KIF26B: variants seen among roughly 807,000 people sequenced by gnomAD.
The protein encoded by KIF26B is kinesin-like protein KIF26B.
A neutral mutation model predicts 151.2 loss-of-function variants in KIF26B; 63 were observed. The ratio of observed to expected loss-of-function variants is 0.42; its 90% CI spans 0.34 to 0.51. KIF26B has a LOEUF of 0.51. Among genes scored for constraint, KIF26B ranks in the 20% least tolerant of loss-of-function variants. The pLI, the probability that KIF26B is intolerant of heterozygous loss-of-function variation, is 0.07. For synonymous variants in KIF26B, 1,357 were observed against 1,262.1 expected (o/e 1.08, Z -1.59); for missense variants, 2,813 against 2,913.6 (o/e 0.97, Z 0.79).
At chr1:245,347,365 C>T (rs188706698) in intron 2 of KIF26B, among the ~76,000 whole-genome samples, 4 of 151,870 alleles carry the variant, frequency 2.6e-5, no homozygotes, top group Non-Finnish European at 4.4e-5. Context: ...CAGGCTGGAG[C>T]GTAGTGGCGT....
chr1:245,361,254 T>C (rs1452586850), intron 2 of KIF26B, among the ~76,000 whole-genome samples: 1 of 152,148 alleles, frequency 6.6e-6, no homozygotes, highest in Non-Finnish European at 1.5e-5. Context: ...CAAACGGAAG[T>C]CATTCATGGG....
At chr1:245,270,186 T>TCCCTC (rs2102962869) in intron 2 of KIF26B, among the ~76,000 whole-genome samples, 1 of 112,654 alleles carries the variant, frequency 8.9e-6, no homozygotes. Flanking sequence ...TCCCTTCCAT[T>TCCCTC]CCTTCTTCTT....
At chr1:245,267,906 C>G (rs1280058583) in intron 2 of KIF26B, among the ~76,000 whole-genome samples, 1 of 152,082 alleles carries the variant, frequency 6.6e-6, no homozygotes, top group African/African-American at 2.4e-5. Flanking sequence ...TGCTGGTTGT[C>G]TGGGTATTTT....
At chr1:245,451,517 A>T (rs1313221169) in intron 4 of KIF26B, among the ~76,000 whole-genome samples, 1 of 144,378 alleles carries the variant, frequency 6.9e-6, no homozygotes, top group Non-Finnish European at 1.5e-5. Flanking sequence ...GCCAATTTTT[A>T]TGAATTTCAC....
chr1:245,642,107 G>T (rs921843759), intron 9 of KIF26B, among the ~76,000 whole-genome samples: 1 of 152,134 alleles, frequency 6.6e-6, no homozygotes, highest in African/African-American at 2.4e-5. Flanking sequence ...ACCCAATGAC[G>T]GTACTTGTGT....
intron 2 of KIF26B, among the ~76,000 whole-genome samples, chr1:245,257,812 AG>A (rs1049992548): frequency 6.6e-6 from 1 of 152,238 alleles, no homozygotes; most frequent in African/African-American, 2.4e-5. Flanking sequence ...ACTTGAGGCC[AG>A]GAGATCAAGA....
intron 5 of KIF26B, among the ~76,000 whole-genome samples, chr1:245,548,264 A>T (rs1661793465): frequency 6.6e-6 from 1 of 151,134 alleles, no homozygotes; most frequent in Non-Finnish European, 1.5e-5. Flanking sequence ...GCTAGAAAGG[A>T]TACACAATGT....
chr1:245,228,945 T>TTTA (rs912813043), intron 2 of KIF26B, among the ~76,000 whole-genome samples: 50 of 151,610 alleles, frequency 3.3e-4, no homozygotes, highest in East Asian at 2.9e-3. Context: ...GCTAGAGGGA[T>TTTA]TTATTATTAT....
chr1:245,621,839 G>T (rs937117842), intron 9 of KIF26B, among the ~76,000 whole-genome samples: 2 of 152,252 alleles, frequency 1.3e-5, no homozygotes, highest in Admixed American at 1.3e-4. Context: ...TAGGCACGGA[G>T]CAGAGAGTAG....
chr1:245,688,464 C>G lies in KIF26B; in HGVS notation c.5481C>G (p.Pro1827=). 7.3e-7 allele frequency: 1 copy of G among 1,374,902 alleles called. No homozygotes were observed. The allele number at this position is 1,374,902 out of a possible 1,614,324, so 85.2% of individuals were successfully genotyped here. A position where few individuals can be genotyped will look rare whatever the true frequency, so the allele number is the denominator to read the frequency against. ...GGGGCTTGCAGCTGCGGGCCGGGCC[C>G]GAGGCGGAGGCGCGCGGGGGGGCCC... ...GARGLQLRAG[P]EAEARGGALA... The change falls in exon 12 of 15, where the codon CCC becomes CCG. Residue 1827 remains proline (P), a synonymous_variant. Transcript: ENST00000407071.
intron 9 of KIF26B, among the ~76,000 whole-genome samples, chr1:245,641,629 TTTTCA>T (rs1453371596): frequency 1.3e-5 from 2 of 152,220 alleles, no homozygotes; most frequent in Non-Finnish European, 2.9e-5. Flanking sequence ...TCTATTGCAT[TTTTCA>T]TTTCATTTAT....
intron 5 of KIF26B, among the ~76,000 whole-genome samples, chr1:245,578,773 C>G (rs780254644): frequency 1.5e-4 from 23 of 152,230 alleles, no homozygotes; most frequent in Non-Finnish European, 2.2e-4. Flanking sequence ...GTCCACCAGG[C>G]TGGTCCAAGG....
In KIF26B at chr1:245,667,383, G is replaced by A. The variant is rs544983551; in HGVS notation, c.2259-16850G>A. On this transcript the variant is annotated intron_variant, in intron 10 of 14. Coordinates refer to ENST00000407071, the MANE Select transcript of KIF26B (RefSeq NM_018012.4). The surrounding 1 kb of genome is among the most constrained non-coding windows in gnomAD (Gnocchi z 4.3). ...TAATAGAGATGGGGTTTCGCCATGT[G>A]TCCCAGGCTGGTCTCAAACTCCTGG... Among the ~76,000 whole-genome samples, 1 of 152,098 alleles carries A rather than the reference G, an allele frequency of 6.6e-6. No individual in the cohort carries two copies. The highest frequency in any genetic ancestry group is 2.1e-4 in the South Asian group (1 of 4,814).
chr1:245,632,781 A>G (rs1286266906), intron 9 of KIF26B, among the ~76,000 whole-genome samples: 1 of 152,120 alleles, frequency 6.6e-6, no homozygotes, highest in African/African-American at 2.4e-5. Context: ...GGTGGCATGC[A>G]CCTGTAGTGC....
At chr1:245,269,684 C>T (rs1030003188) in intron 2 of KIF26B, among the ~76,000 whole-genome samples, 9 of 151,982 alleles carry the variant, frequency 5.9e-5, no homozygotes, top group Admixed American at 6.6e-5. Context: ...AGGCTGATCT[C>T]GAACTCCTGA....
At chr1:245,482,728 C>T (rs1211489173) in intron 4 of KIF26B, among the ~76,000 whole-genome samples, 1 of 151,728 alleles carries the variant, frequency 6.6e-6, no homozygotes, top group Non-Finnish European at 1.5e-5. Flanking sequence ...TCCCTCCTAC[C>T]CAGTGTGGCC....
At chr1:245,528,886 T>C (rs531994835) in intron 4 of KIF26B, among the ~76,000 whole-genome samples, 1 of 152,324 alleles carries the variant, frequency 6.6e-6, no homozygotes, top group East Asian at 1.9e-4. Context: ...TAGAACTTGT[T>C]GTCTAGGCAG....
At chr1:245,407,828 G>A (rs1215086360) in intron 3 of KIF26B, among the ~76,000 whole-genome samples, 1 of 152,152 alleles carries the variant, frequency 6.6e-6, no homozygotes, top group Non-Finnish European at 1.5e-5. Flanking sequence ...AGGTCCTAAG[G>A]TTGACTATTT....
intron 2 of KIF26B, among the ~76,000 whole-genome samples, chr1:245,182,304 T>A (rs11590750): frequency 6.6e-6 from 1 of 152,224 alleles, no homozygotes; most frequent in Non-Finnish European, 1.5e-5. Context: ...TTGTAGCATT[T>A]TACATGAACA....
Sources: gnomAD v4.1 joint callset for allele counts (sites outside exome capture counted in the v4.1 genomes callset) on GRCh38, gnomAD v4.1.1 for gene constraint, Gnocchi (gnomAD v3.1) non-coding constraint, MANE v1.5 for transcripts, NCBI Gene and HGNC (gene_info 2026-07-23, HGNC 2026-07-21) for gene names.